Variants in PPP6R2 observed in about 807,000 individuals in gnomAD.
The protein encoded by PPP6R2 is serine/threonine-protein phosphatase 6 regulatory subunit 2.
Under a neutral mutation model 100.2 loss-of-function variants are expected in PPP6R2, and 62 were observed. The observed-to-expected ratio is 0.62, with a 90% CI of 0.50 to 0.76. The LOEUF (loss-of-function observed/expected upper bound fraction) is 0.76. Among genes scored for constraint, PPP6R2 ranks in the 30% least tolerant of loss-of-function variants. The probability of loss-of-function intolerance (pLI) is 0.00; values close to 1 mark genes in which losing one functional copy is unlikely to be tolerated. For missense variants in PPP6R2, 1,142 were observed against 1,276.3 expected (o/e 0.89, Z 1.60); for synonymous variants, 525 against 514.7 (o/e 1.02, Z -0.27).
At chr22:50,412,947 G>C (rs568739934) in intron 4 of PPP6R2, among the ~76,000 whole-genome samples, 36 of 145,476 alleles carry the variant, frequency 2.5e-4, no homozygotes, top group African/African-American at 9.2e-4. Context: ...GCCTGGCCTA[G>C]ATAAGTCCTT....
chr22:50,365,377 A>G (rs2048550504), intron 1 of PPP6R2, among the ~76,000 whole-genome samples: 1 of 151,898 alleles, frequency 6.6e-6, no homozygotes, highest in Admixed American at 6.6e-5. Context: ...GGCATGAGAT[A>G]CACTTATAAG....
At chr22:50,403,761 C>T (rs1317559412) in intron 3 of PPP6R2, among the ~76,000 whole-genome samples, 5 of 152,218 alleles carry the variant, frequency 3.3e-5, no homozygotes, top group African/African-American at 9.6e-5. Context: ...CCTTCACAGG[C>T]GCTGTTCCTC....
At chr22:50,352,570 C>A (rs2045540498) in intron 1 of PPP6R2, among the ~76,000 whole-genome samples, 1 of 151,564 alleles carries the variant, frequency 6.6e-6, no homozygotes, top group Admixed American at 6.6e-5. Context: ...ACTAAAAATA[C>A]AAAAATTTGC....
chr22:50,338,575 TGTG>T (rs1392088262), upstream of PPP6R2, among the ~76,000 whole-genome samples: 236 of 141,382 alleles, frequency 1.7e-3, 3 homozygotes, highest in African/African-American at 5.7e-3. Flanking sequence ...GTGTGTTTGG[TGTG>T]GTGTGTGTTT....
intron 4 of PPP6R2, among the ~76,000 whole-genome samples, chr22:50,414,032 G>T (rs2060136931): frequency 6.6e-6 from 1 of 152,190 alleles, no homozygotes; most frequent in South Asian, 2.1e-4. Flanking sequence ...TCATCAGCCA[G>T]CTGCAGGATG....
intron 2 of PPP6R2, among the ~76,000 whole-genome samples, chr22:50,392,473 C>A (rs1483341514): frequency 6.6e-6 from 1 of 152,226 alleles, no homozygotes; most frequent in Non-Finnish European, 1.5e-5. Flanking sequence ...GGGCTCTTCA[C>A]CTCTAAGCCC....
Position 50,414,331 on chromosome 22 carries a change from G to GCCCCCCCCCCCCCCCCCC in PPP6R2, c.415-219_415-202dup, listed in dbSNP as rs57634612. 2.2e-3 allele frequency among the ~76,000 whole-genome samples: 58 copies of GCCCCCCCCCCCCCCCCCC among 26,788 alleles called. 2 individuals are homozygous for GCCCCCCCCCCCCCCCCCC. The highest frequency in any genetic ancestry group is 3.1e-3 in the Non-Finnish European group (28 of 9,026). 17.6% of individuals were successfully genotyped at this position (26,788 alleles called of 152,430 possible). On this transcript the variant is annotated intron_variant, in intron 4 of 23. Transcript: ENST00000612753. ...GAGCCACAGGGGTCCCTGTGCAGTG[G>GCCCCCCCCCCCCCCCCCC]CCCCCCCCCCCCCCCCCCCGCCCAG... is the stretch of plus-strand genomic sequence containing the variant.
At chr22:50,339,002 T>G (rs2042336830), upstream of PPP6R2, among the ~76,000 whole-genome samples, 1 of 114,038 alleles carries the variant, frequency 8.8e-6, no homozygotes, top group Non-Finnish European at 1.6e-5. Context: ...GTATGTGTGG[T>G]ATGTGGTGTG....
At chr22:50,357,123 T>G (rs1052860267) in intron 1 of PPP6R2, among the ~76,000 whole-genome samples, 1 of 152,172 alleles carries the variant, frequency 6.6e-6, no homozygotes, top group Non-Finnish European at 1.5e-5. Flanking sequence ...TGATGAATTA[T>G]GATGGTGAGC....
upstream of PPP6R2, among the ~76,000 whole-genome samples, chr22:50,339,960 T>G (rs1601853966): frequency 9.4e-6 from 1 of 106,504 alleles, no homozygotes; most frequent in Admixed American, 1.0e-4. Context: ...AGTGTGTGTG[T>G]GTTGTGTGGT....
At chr22:50,401,786 C>A (rs562527845) in intron 3 of PPP6R2, among the ~76,000 whole-genome samples, 1 of 151,848 alleles carries the variant, frequency 6.6e-6, no homozygotes, top group East Asian at 2.0e-4. Flanking sequence ...GCGCCTGCCA[C>A]CACGCCCGGC....
chr22:50,396,558 A>G (rs1330015295), intron 3 of PPP6R2, among the ~76,000 whole-genome samples: 3 of 152,172 alleles, frequency 2.0e-5, no homozygotes, highest in Admixed American at 6.5e-5. Flanking sequence ...GATATGAAAC[A>G]CGTTTCAGTA....
intron 4 of PPP6R2, among the ~76,000 whole-genome samples, chr22:50,411,423 C>T (rs2059724285): frequency 6.6e-6 from 1 of 151,666 alleles, no homozygotes; most frequent in Admixed American, 6.6e-5. Flanking sequence ...CACTGCACTC[C>T]AGCCTAGGTA....
intron 3 of PPP6R2, among the ~76,000 whole-genome samples, chr22:50,405,111 G>A (rs770785282): frequency 1.1e-4 from 17 of 152,226 alleles, no homozygotes; most frequent in Admixed American, 2.6e-4. Context: ...TGTTTCTCCC[G>A]TCTAGGGATG....
the PPP6R2 span, among the ~76,000 whole-genome samples, chr22:50,331,068 A>G: frequency 6.6e-6 from 1 of 152,208 alleles, no homozygotes; most frequent in African/African-American, 2.4e-5. Context: ...AAACTACTGC[A>G]TGGACGATCT....
At chr22:50,381,459 C>G (rs868723822) in intron 2 of PPP6R2, among the ~76,000 whole-genome samples, 2 of 150,700 alleles carry the variant, frequency 1.3e-5, no homozygotes, top group Middle Eastern at 3.4e-3. Flanking sequence ...CAGCACCACA[C>G]GGGCCCCACT....
At chr22:50,417,537 C>T (rs1431983434) in intron 6 of PPP6R2, among the ~76,000 whole-genome samples, 3 of 152,292 alleles carry the variant, frequency 2.0e-5, no homozygotes, top group South Asian at 4.1e-4. Flanking sequence ...TACATACAAC[C>T]ACGTGTCCTT....
upstream of PPP6R2, among the ~76,000 whole-genome samples, chr22:50,339,237 G>A (rs543928395): frequency 1.1e-4 from 14 of 127,092 alleles, no homozygotes; most frequent in South Asian, 1.4e-3. Context: ...GTGTGTTTAC[G>A]GTGTGTGTTG....
At chr22:50,440,084 G>A (rs769128479) in intron 21 of PPP6R2, 35 bp downstream of exon 21, 8 of 1,579,912 alleles carry the variant, frequency 5.1e-6, no homozygotes. Context: ...ACCCAGCCTT[G>A]CCCAGTTTAA....
Sources: gnomAD v4.1 joint callset for allele counts (sites outside exome capture counted in the v4.1 genomes callset) on GRCh38, gnomAD v4.1.1 for gene constraint, MANE v1.5 for transcripts, NCBI Gene and HGNC (gene_info 2026-07-23, HGNC 2026-07-21) for gene names.